Variants in MEI4 observed in about 807,000 individuals in gnomAD.
The protein encoded by MEI4 is meiosis-specific protein MEI4.
MEI4 carries 27 observed loss-of-function variants against 31.4 expected under a neutral mutation model. The ratio of observed to expected loss-of-function variants is 0.86; its 90% CI spans 0.63 to 1.19. The LOEUF (loss-of-function observed/expected upper bound fraction) is 1.19. MEI4 is among the 50% of genes most tolerant of loss of function. The pLI, the probability that MEI4 is intolerant of heterozygous loss-of-function variation, is 0.00. For synonymous variants in MEI4, 122 were observed against 145.4 expected (o/e 0.84, Z 1.16); for missense variants, 329 against 398.9 (o/e 0.82, Z 1.49).
chr6:77,898,088 A>G (rs1181544157), intron 4 of MEI4, among the ~76,000 whole-genome samples: 5 of 151,996 alleles, frequency 3.3e-5, no homozygotes, highest in African/African-American at 7.2e-5. Context: ...GCATTTGAGC[A>G]TTGTTGCAAG....
chr6:77,727,787 C>T lies in MEI4; in HGVS notation c.233-33343C>T, dbSNP rs1336833205. On this transcript the variant is annotated intron_variant, in intron 2 of 4. Transcript: ENST00000684080. ...GAAACCAGAATCCATAAACCATAAGCCTATATAAGGCCCACTTTAAAAAAT... is the reference window on the plus strand; with the variant it reads ...GAAACCAGAATCCATAAACCATAAGTCTATATAAGGCCCACTTTAAAAAAT... 2.0e-5 allele frequency among the ~76,000 whole-genome samples: 3 copies of T among 152,158 alleles called. No individual in the cohort carries two copies. In the East Asian group the frequency reaches 5.8e-4, roughly 29 times the overall value.
chr6:77,728,597 G>C (rs1766887716), intron 2 of MEI4, among the ~76,000 whole-genome samples: 1 of 152,216 alleles, frequency 6.6e-6, no homozygotes, highest in African/African-American at 2.4e-5. Context: ...AAGCCAGATT[G>C]AAGTGATGGA....
rs1766780147 is a variant in MEI4 at position 77,923,986 on chromosome 6, A to AAATACTTGTTTCAATTCTG, written c.*641_*659dup. On this transcript the variant is annotated 3_prime_UTR_variant, in exon 5 of 5. Coordinates refer to ENST00000684080, the MANE Select transcript of MEI4 (RefSeq NM_001322247.2). The stretch of plus-strand genomic sequence containing the variant: ...TTTAAAATGTTCTTTGTTTTTCAAC[A>AAATACTTGTTTCAATTCTG]AATACTTGTTTCAATTCTGTTAATT... The AAATACTTGTTTCAATTCTG allele has an allele frequency of 6.6e-6, 1 of 151,262 alleles. No homozygotes were observed. Among genetic ancestry groups the AAATACTTGTTTCAATTCTG allele is most frequent in the Non-Finnish European group, 1.5e-5 (1 of 67,782 alleles). 9.4% of individuals were successfully genotyped at this position (151,262 alleles called of 1,614,324 possible).
intron 3 of MEI4, among the ~76,000 whole-genome samples, chr6:77,789,341 A>G (rs1768846305): frequency 6.6e-6 from 1 of 152,246 alleles, no homozygotes; most frequent in Admixed American, 6.5e-5. Flanking sequence ...AGACATAGGC[A>G]TGGGCAAGGA....
At chr6:77,743,519 G>T (rs1013472393) in intron 2 of MEI4, among the ~76,000 whole-genome samples, 3 of 152,084 alleles carry the variant, frequency 2.0e-5, no homozygotes, top group Admixed American at 2.0e-4. Flanking sequence ...AGGAGATTTT[G>T]GGCTGAGATG....
At chr6:77,882,115 G>A (rs987203561) in intron 4 of MEI4, among the ~76,000 whole-genome samples, 2 of 152,138 alleles carry the variant, frequency 1.3e-5, no homozygotes, top group Admixed American at 1.3e-4. Context: ...ATTTGCTGGA[G>A]TGACCTACAG....
Position 77,926,372 on chromosome 6 carries a change from C to T in MEI4, c.*3026C>T, listed in dbSNP as rs1273028653. The T allele has an allele frequency of 6.6e-6, 1 of 151,832 alleles. No homozygotes were observed. The highest frequency in any genetic ancestry group is 1.5e-5 in the Non-Finnish European group (1 of 67,922). The allele number at this position is 151,832 out of a possible 1,614,324, so 9.4% of individuals were successfully genotyped here. ...AGCCAAGTTACAGATTGTCTTCAAACGATAATGTCCTAAAAGGTACAGAGC... is the reference window on the plus strand; with the variant it reads ...AGCCAAGTTACAGATTGTCTTCAAATGATAATGTCCTAAAAGGTACAGAGC... On this transcript the variant is annotated 3_prime_UTR_variant, in exon 5 of 5. Coordinates refer to ENST00000684080, the MANE Select transcript of MEI4 (RefSeq NM_001322247.2).
At chr6:77,890,777 G>A (rs1771747323) in intron 4 of MEI4, among the ~76,000 whole-genome samples, 1 of 152,132 alleles carries the variant, frequency 6.6e-6, no homozygotes, top group Non-Finnish European at 1.5e-5. Flanking sequence ...AATCATGGTG[G>A]CAGTTACCCT....
At chr6:77,713,495 T>C (rs1185497211) in intron 2 of MEI4, among the ~76,000 whole-genome samples, 1 of 152,186 alleles carries the variant, frequency 6.6e-6, no homozygotes, top group African/African-American at 2.4e-5. Context: ...TTTAAGAGTG[T>C]TGTGTGAGTT....
At chr6:77,775,292 G>C (rs948079273) in intron 3 of MEI4, among the ~76,000 whole-genome samples, 1 of 152,096 alleles carries the variant, frequency 6.6e-6, no homozygotes, top group Admixed American at 6.6e-5. Context: ...CCGTTAAGCA[G>C]TGTACACTGT....
At chr6:77,746,215 A>G (rs2127675313) in intron 2 of MEI4, among the ~76,000 whole-genome samples, 1 of 152,332 alleles carries the variant, frequency 6.6e-6, no homozygotes, top group South Asian at 2.1e-4. Context: ...CAAAATTGAT[A>G]GACCGCTAGC....
At chr6:77,883,742 A>ATATATATATATATATATATATATG (rs922153293) in intron 4 of MEI4, among the ~76,000 whole-genome samples, 3 of 139,854 alleles carry the variant, frequency 2.1e-5, no homozygotes, top group African/African-American at 8.4e-5. Context: ...ATATATATAT[A>ATATATATATATATATATATATATG]TAACTTTGTC....
At chr6:77,697,965 A>G (rs113346814) in intron 2 of MEI4, among the ~76,000 whole-genome samples, 4 of 152,262 alleles carry the variant, frequency 2.6e-5, no homozygotes, top group African/African-American at 9.6e-5. Context: ...TTGGGTTCAT[A>G]TATATTTAGG....
intron 2 of MEI4, among the ~76,000 whole-genome samples, chr6:77,731,546 A>C (rs1766992475): frequency 2.0e-5 from 3 of 151,208 alleles, no homozygotes; most frequent in Non-Finnish European, 3.0e-5. Context: ...TCAGATGAGT[A>C]GGTTGTGAAA....
chr6:77,785,093 A>G (rs1272600229), intron 3 of MEI4, among the ~76,000 whole-genome samples: 3 of 152,180 alleles, frequency 2.0e-5, no homozygotes, highest in Non-Finnish European at 4.4e-5. Context: ...TCAGGAAATC[A>G]TTGGGAATTT....
At chr6:77,695,056 G>A (rs1262757778) in intron 2 of MEI4, among the ~76,000 whole-genome samples, 2 of 152,164 alleles carry the variant, frequency 1.3e-5, no homozygotes, top group South Asian at 2.1e-4. Context: ...CTGCATAAAT[G>A]TCTTCTTTTG....
chr6:77,925,799 TATTA>T lies in MEI4; in HGVS notation c.*2455_*2458del, dbSNP rs1244759846. 3 of 148,230 alleles carry T rather than the reference TATTA, an allele frequency of 2.0e-5. No homozygotes were observed. Among genetic ancestry groups the T allele is most frequent in the Non-Finnish European group, 4.5e-5 (3 of 67,194 alleles). 9.2% of individuals were successfully genotyped at this position (148,230 alleles called of 1,614,324 possible). A position where few individuals can be genotyped will look rare whatever the true frequency, so the allele number is the denominator to read the frequency against. Reference sequence around the variant, plus strand: ...TATATTTTATATGAGAGTAAATATATATTAAATATTTTATATACATTTATATAAT... The same window carrying T: ...TATATTTTATATGAGAGTAAATATATAATATTTTATATACATTTATATAAT... On this transcript the variant is annotated 3_prime_UTR_variant, in exon 5 of 5. Coordinates refer to ENST00000684080, the MANE Select transcript of MEI4 (RefSeq NM_001322247.2).
intron 3 of MEI4, among the ~76,000 whole-genome samples, chr6:77,825,421 A>G (rs1769921104): frequency 1.3e-5 from 2 of 152,192 alleles, no homozygotes; most frequent in African/African-American, 4.8e-5. Flanking sequence ...CAGATTCTCA[A>G]AAGAATCACA....
Position 77,742,061 on chromosome 6 carries a change from A to C in MEI4, c.233-19069A>C, listed in dbSNP as rs540832441. Among the ~76,000 whole-genome samples the C allele has an allele frequency of 1.4e-3, 212 of 152,082 alleles. 1 individual carries two copies. Among genetic ancestry groups the C allele is most frequent in the African/African-American group, 4.4e-3 (183 of 41,474 alleles). ...TGGTTCCAAGTCTTTGCTATTGTGA[A>C]TAGTGCCACAATAAACATACGTGTG... is the stretch of plus-strand genomic sequence containing the variant. On this transcript the variant is annotated intron_variant, in intron 2 of 4. Coordinates refer to ENST00000684080, the MANE Select transcript of MEI4 (RefSeq NM_001322247.2).
Sources: allele counts gnomAD v4.1 joint callset (sites outside exome capture counted in the v4.1 genomes callset), GRCh38; gene constraint gnomAD v4.1.1; transcripts MANE v1.5; gene names NCBI Gene and HGNC (gene_info 2026-07-23, HGNC 2026-07-21).